The following KAZN variants were observed in gnomAD, a reference collection of about 807,000 sequenced individuals.
The protein encoded by KAZN is kazrin, periplakin interacting protein, also known as kazrin.
A neutral mutation model predicts 87.4 loss-of-function variants in KAZN; 40 were observed. The ratio of observed to expected loss-of-function variants is 0.46; its 90% CI spans 0.36 to 0.60. The LOEUF (loss-of-function observed/expected upper bound fraction) is 0.60, where lower values mean the gene tolerates loss of function less well. Among genes scored for constraint, KAZN ranks in the 20% least tolerant of loss-of-function variants. The probability of loss-of-function intolerance (pLI) is 0.00; values close to 1 mark genes in which losing one functional copy is unlikely to be tolerated. For missense variants in KAZN, 898 were observed against 1,073.9 expected (o/e 0.84, Z 2.29); for synonymous variants, 466 against 458.3 (o/e 1.02, Z -0.22).
chr1:13,965,908 T>C (rs1397435692), intron 1 of KAZN, among the ~76,000 whole-genome samples: 1 of 152,178 alleles, frequency 6.6e-6, no homozygotes, highest in Non-Finnish European at 1.5e-5. Flanking sequence ...GCTGGTTTCC[T>C]GCCAAGCTGA....
At chr1:13,908,493 A>G (rs1639528395) in intron 1 of KAZN, among the ~76,000 whole-genome samples, 2 of 152,184 alleles carry the variant, frequency 1.3e-5, no homozygotes, top group South Asian at 2.1e-4. Context: ...TTAAAAATCC[A>G]GTTTGTCAGG....
chr1:14,998,317 A>C (rs1211499742), intron 2 of KAZN, among the ~76,000 whole-genome samples: 1 of 152,158 alleles, frequency 6.6e-6, no homozygotes, highest in Non-Finnish European at 1.5e-5. Flanking sequence ...TTCTGTCTGC[A>C]TCAACTCAAA....
chr1:14,510,388 AAAC>A (rs974881049), intron 2 of KAZN, among the ~76,000 whole-genome samples: 15 of 146,088 alleles, frequency 1.0e-4, no homozygotes, highest in South Asian at 2.1e-4. Flanking sequence ...CAAAAAAAAA[AAAC>A]AAACAGGATG....
intron 1 of KAZN, among the ~76,000 whole-genome samples, chr1:14,668,994 G>A (rs1639747331): frequency 2.0e-5 from 3 of 152,184 alleles, no homozygotes; most frequent in Admixed American, 2.0e-4. Context: ...ATTTATCATG[G>A]CCTTGGACAA....
intron 2 of KAZN, among the ~76,000 whole-genome samples, chr1:15,019,821 A>G (rs1670484375): frequency 6.6e-6 from 1 of 152,184 alleles, no homozygotes; most frequent in African/African-American, 2.4e-5. Flanking sequence ...AATGCTGACT[A>G]CGGCTGTTAC....
At chr1:14,037,752 A>T (rs767278021) in intron 1 of KAZN, among the ~76,000 whole-genome samples, 10 of 152,200 alleles carry the variant, frequency 6.6e-5, no homozygotes, top group Non-Finnish European at 2.9e-5. Flanking sequence ...TAAGCCTCTG[A>T]AGTCTCCCAG....
chr1:14,383,323 G>T (rs1188639946), intron 2 of KAZN, among the ~76,000 whole-genome samples: 4 of 150,552 alleles, frequency 2.7e-5, no homozygotes, highest in African/African-American at 9.8e-5. Context: ...AGTTTAATTA[G>T]ATCCCATTTG....
At chr1:13,910,759 C>G (rs1639625540) in intron 1 of KAZN, among the ~76,000 whole-genome samples, 1 of 152,058 alleles carries the variant, frequency 6.6e-6, no homozygotes, top group Non-Finnish European at 1.5e-5. Context: ...AATATAGGGC[C>G]TAACTCCCAC....
At chr1:14,578,973 C>T (rs1477633460) in intron 2 of KAZN, among the ~76,000 whole-genome samples, 6 of 151,972 alleles carry the variant, frequency 3.9e-5, no homozygotes, top group Non-Finnish European at 7.4e-5. Flanking sequence ...TTTTCTTTTC[C>T]CTATCCCCAG....
intron 1 of KAZN, among the ~76,000 whole-genome samples, chr1:13,905,457 G>C (rs534676331): frequency 6.6e-6 from 1 of 152,294 alleles, no homozygotes; most frequent in South Asian, 2.1e-4. Flanking sequence ...TATTAAGGGA[G>C]ATCACTCTCA....
At chr1:14,491,825 A>T (rs1275368730) in intron 2 of KAZN, among the ~76,000 whole-genome samples, 1 of 152,118 alleles carries the variant, frequency 6.6e-6, no homozygotes, top group East Asian at 1.9e-4. Flanking sequence ...TTCCACTTTG[A>T]ATTTGAATTC....
At chr1:14,347,468 G>C (rs564115722) in intron 2 of KAZN, among the ~76,000 whole-genome samples, 100 of 152,114 alleles carry the variant, frequency 6.6e-4, no homozygotes, top group African/African-American at 2.3e-3. Context: ...GATCCACCCG[G>C]GTCCCCAGCC....
chr1:14,386,490 C>A (rs543380817), intron 2 of KAZN, among the ~76,000 whole-genome samples: 6,960 of 151,860 alleles, frequency 0.046, 263 homozygotes, highest in East Asian at 0.18. Flanking sequence ...CCTTCAGGAG[C>A]TCTTTTAGGG....
At chr1:14,865,788 G>T (rs887423573) in intron 1 of KAZN, among the ~76,000 whole-genome samples, 7 of 152,168 alleles carry the variant, frequency 4.6e-5, no homozygotes, top group African/African-American at 1.2e-4. Flanking sequence ...GGAATAGGGT[G>T]AGCCCTAATC....
chr1:14,130,446 C>T (rs1304611049), intron 1 of KAZN, among the ~76,000 whole-genome samples: 5 of 152,088 alleles, frequency 3.3e-5, no homozygotes, highest in Non-Finnish European at 5.9e-5. Flanking sequence ...ATTCTGAGAC[C>T]ACTTACTTCC....
At chr1:14,837,188 C>A (rs1345694684) in intron 1 of KAZN, among the ~76,000 whole-genome samples, 1 of 152,132 alleles carries the variant, frequency 6.6e-6, no homozygotes, top group Admixed American at 6.6e-5. Flanking sequence ...TAAAATACAT[C>A]CCTGCTGTTG....
chr1:14,354,513 G>A (rs1188622835), intron 2 of KAZN, among the ~76,000 whole-genome samples: 1 of 152,124 alleles, frequency 6.6e-6, no homozygotes, highest in East Asian at 1.9e-4. Flanking sequence ...TTGACTAGCA[G>A]ACAGTTCATA....
At chr1:14,992,053 C>T (rs999997927) in intron 2 of KAZN, among the ~76,000 whole-genome samples, 8 of 152,146 alleles carry the variant, frequency 5.3e-5, no homozygotes, top group Admixed American at 4.6e-4. Context: ...TTCTGTTGGT[C>T]CTGGGTCACT....
At chr1:14,454,191 G>A (rs555284824) in intron 2 of KAZN, among the ~76,000 whole-genome samples, 1 of 152,318 alleles carries the variant, frequency 6.6e-6, no homozygotes, top group South Asian at 2.1e-4. Context: ...CCAAGGCATG[G>A]AAAGAGAGGG....
Sources: allele counts gnomAD v4.1 joint callset (sites outside exome capture counted in the v4.1 genomes callset), GRCh38; gene constraint gnomAD v4.1.1; transcripts MANE v1.5; gene names NCBI Gene and HGNC (gene_info 2026-07-23, HGNC 2026-07-21).